The following FSTL4 variants were observed in gnomAD, a reference collection of about 807,000 sequenced individuals.
FSTL4 encodes follistatin-related protein 4.
A neutral mutation model predicts 78.2 loss-of-function variants in FSTL4; 28 were observed. The observed-to-expected ratio is 0.36, with a 90% CI of 0.27 to 0.49. The LOEUF (loss-of-function observed/expected upper bound fraction) is 0.49, where lower values mean the gene tolerates loss of function less well. Ranked by LOEUF, FSTL4 falls within the 20% of genes least tolerant of loss-of-function variation. The pLI is 0.98. For synonymous variants in FSTL4, 422 were observed against 440.5 expected (o/e 0.96, Z 0.53); for missense variants, 922 against 1,084.9 (o/e 0.85, Z 2.11).
the FSTL4 span, among the ~76,000 whole-genome samples, chr5:133,810,428 T>C: frequency 6.6e-6 from 1 of 152,244 alleles, no homozygotes; most frequent in Non-Finnish European, 1.5e-5. Flanking sequence ...TATCTCATCA[T>C]TCTGAAGCTG....
Position 133,566,085 on chromosome 5 carries a change from G to A in FSTL4, c.160+1101C>T, listed in dbSNP as rs147965457. Among the ~76,000 whole-genome samples the A allele has an allele frequency of 4.6e-3, 697 of 152,254 alleles. 3 individuals are homozygous for A. The highest frequency in any genetic ancestry group is 8.8e-3 in the Admixed American group (134 of 15,298). ...CTATAGTTCAGAGGACATCGAGTCC[G>A]AAGCCGAAGATAATGGCAAATGGGA... On this transcript the variant is annotated intron_variant, in intron 3 of 15. Coordinates refer to ENST00000265342, the MANE Select transcript of FSTL4 (RefSeq NM_015082.2).
the FSTL4 span, among the ~76,000 whole-genome samples, chr5:133,777,815 G>C: frequency 5.3e-4 from 80 of 152,296 alleles, no homozygotes; most frequent in African/African-American, 1.9e-3. Flanking sequence ...AGGCCATGAA[G>C]GTTGTTTCCA....
At chr5:133,355,747 T>C (rs769984320) in intron 4 of FSTL4, among the ~76,000 whole-genome samples, 38 of 152,162 alleles carry the variant, frequency 2.5e-4, no homozygotes, top group Non-Finnish European at 7.4e-5. Flanking sequence ...ACAAATCTTC[T>C]AGTTATTTAG....
chr5:133,561,863 C>T (rs1030291433), intron 3 of FSTL4, among the ~76,000 whole-genome samples: 9 of 152,144 alleles, frequency 5.9e-5, no homozygotes, highest in South Asian at 4.1e-4. Flanking sequence ...CAGGACACAT[C>T]GGCTAGGTGC....
intron 13 of FSTL4, among the ~76,000 whole-genome samples, chr5:133,211,310 TG>T (rs1218501559): frequency 1.3e-5 from 2 of 152,230 alleles, no homozygotes; most frequent in African/African-American, 4.8e-5. Context: ...TTCTTGTCAC[TG>T]GTCAACATTC....
intron 6 of FSTL4, among the ~76,000 whole-genome samples, chr5:133,291,246 C>T (rs1241417561): frequency 6.6e-6 from 1 of 152,030 alleles, no homozygotes; most frequent in East Asian, 1.9e-4. Flanking sequence ...ACCTCTTGGT[C>T]CCCTTGGACC....
the FSTL4 span, among the ~76,000 whole-genome samples, chr5:133,824,754 C>T: frequency 1.3e-5 from 2 of 152,122 alleles, no homozygotes; most frequent in Non-Finnish European, 2.9e-5. Context: ...AGCACGCAGG[C>T]ATCCTTGAGC....
At chr5:133,407,119 A>G (rs1375163791) in intron 3 of FSTL4, among the ~76,000 whole-genome samples, 2 of 152,198 alleles carry the variant, frequency 1.3e-5, no homozygotes, top group Admixed American at 1.3e-4. Context: ...CACCCACCTC[A>G]GGGACACATA....
At chr5:133,428,500 G>A (rs897440121) in intron 3 of FSTL4, among the ~76,000 whole-genome samples, 1 of 152,168 alleles carries the variant, frequency 6.6e-6, no homozygotes, top group Non-Finnish European at 1.5e-5. Flanking sequence ...GTCCATTCTG[G>A]GTTCCAGCTA....
Position 133,198,554 on chromosome 5 carries a change from G to T in FSTL4, c.*541C>A. On this transcript the variant is annotated 3_prime_UTR_variant, in exon 16 of 16. Transcript: ENST00000265342. ...CCCCAAGATGCAGTAAGTCTTGTTG[G>T]CTCTCCCTCAGGCTTACAGCAAGTC... The T allele has an allele frequency of 6.5e-6, 1 of 152,898 alleles. No individual in the cohort carries two copies. The highest frequency in any genetic ancestry group is 1.5e-5 in the Non-Finnish European group (1 of 68,164). The allele number at this position is 152,898 out of a possible 1,614,324, so 9.5% of individuals were successfully genotyped here. A position where few individuals can be genotyped will look rare whatever the true frequency, so the allele number is the denominator to read the frequency against.
chr5:133,593,243 C>T (rs1386667571), intron 2 of FSTL4, among the ~76,000 whole-genome samples: 1 of 152,078 alleles, frequency 6.6e-6, no homozygotes. Flanking sequence ...ACTTGTCCAC[C>T]ACTAATAATG....
chr5:133,338,800 C>A lies in FSTL4; in HGVS notation c.410-22148G>T, dbSNP rs1480428087. ...TTCCCAAATCGCACACCTGGCACTACCTCACCATCTTGCCCATCCCCAGCC... is the reference window on the plus strand; with the variant it reads ...TTCCCAAATCGCACACCTGGCACTAACTCACCATCTTGCCCATCCCCAGCC... On this transcript the variant is annotated intron_variant, in intron 4 of 15. Coordinates refer to ENST00000265342, the MANE Select transcript of FSTL4 (RefSeq NM_015082.2). The surrounding 1 kb of genome is among the most constrained non-coding windows in gnomAD (Gnocchi z 4.0). Among the ~76,000 whole-genome samples, 1 of 152,110 alleles carries A rather than the reference C, an allele frequency of 6.6e-6. No individual in the cohort carries two copies. Among genetic ancestry groups the A allele is most frequent in the African/African-American group, 2.4e-5 (1 of 41,418 alleles).
chr5:133,234,641 G>A (rs982433886), intron 7 of FSTL4, among the ~76,000 whole-genome samples: 8 of 152,182 alleles, frequency 5.3e-5, no homozygotes. Context: ...TACAGAGAAG[G>A]CCCAGGCTCA....
At chr5:133,530,870 A>G (rs558555936) in intron 3 of FSTL4, among the ~76,000 whole-genome samples, 2 of 152,310 alleles carry the variant, frequency 1.3e-5, no homozygotes, top group African/African-American at 4.8e-5. Flanking sequence ...TCAGACTCAC[A>G]CAGGCCCTGA....
intron 2 of FSTL4, among the ~76,000 whole-genome samples, chr5:133,569,513 C>T (rs911945219): frequency 6.6e-6 from 1 of 152,100 alleles, no homozygotes; most frequent in Non-Finnish European, 1.5e-5. Flanking sequence ...TTGACTGTTT[C>T]CCTCTAGTGG....
intron 6 of FSTL4, among the ~76,000 whole-genome samples, chr5:133,311,528 C>A (rs1431272562): frequency 2.6e-5 from 4 of 152,218 alleles, no homozygotes; most frequent in Non-Finnish European, 5.9e-5. Flanking sequence ...AAGTACCTCT[C>A]TATTTGCCAC....
At chr5:133,721,791 G>A in the FSTL4 span, among the ~76,000 whole-genome samples, 2 of 152,036 alleles carry the variant, frequency 1.3e-5, no homozygotes, top group East Asian at 1.9e-4. Context: ...GGGAACCTTT[G>A]AGCATCATGA....
intron 3 of FSTL4, among the ~76,000 whole-genome samples, chr5:133,562,769 T>C (rs906419898): frequency 1.3e-5 from 2 of 152,226 alleles, no homozygotes; most frequent in African/African-American, 4.8e-5. Flanking sequence ...GATCGTCCTA[T>C]GCTCCTCAGA....
chr5:133,695,505 T>C, the FSTL4 span, among the ~76,000 whole-genome samples: 1 of 152,128 alleles, frequency 6.6e-6, no homozygotes, highest in African/African-American at 2.4e-5. Flanking sequence ...TAAACATAGT[T>C]CCCACTCAAG....
Sources: allele counts gnomAD v4.1 joint callset (sites outside exome capture counted in the v4.1 genomes callset), GRCh38; gene constraint gnomAD v4.1.1; non-coding constraint Gnocchi (gnomAD v3.1); transcripts MANE v1.5; gene names NCBI Gene and HGNC (gene_info 2026-07-23, HGNC 2026-07-21).